Variants in TEKT1 observed in about 807,000 individuals in gnomAD.
TEKT1 encodes the protein tektin 1.
TEKT1 carries 32 observed loss-of-function variants against 34.8 expected under a neutral mutation model. The observed-to-expected ratio is 0.92, with a 90% CI of 0.69 to 1.23. The LOEUF (loss-of-function observed/expected upper bound fraction) is 1.23. TEKT1 is among the 50% of genes most tolerant of loss of function. TEKT1 has a pLI of 0.00. For synonymous variants in TEKT1, 207 were observed against 199.8 expected (o/e 1.04, Z -0.30); for missense variants, 492 against 518.5 (o/e 0.95, Z 0.50).
intron 2 of TEKT1, among the ~76,000 whole-genome samples, chr17:6,829,481 C>G (rs528136138): frequency 1.3e-5 from 2 of 150,590 alleles, no homozygotes; most frequent in South Asian, 4.2e-4. Context: ...TTCTTTCTTT[C>G]TTTCTCTCTT....
In TEKT1 at chr17:6,823,161, G is replaced by A. The variant is rs576081396; in HGVS notation, c.191-3803C>T. On this transcript the variant is annotated intron_variant, in intron 2 of 7. Coordinates refer to ENST00000338694, the MANE Select transcript of TEKT1 (RefSeq NM_053285.2). ...AACCTTTAACCTTCTGCTGGGGTGA[G>A]GGAGAGCCAGAGTGAAGAGGAAGCT... Among the ~76,000 whole-genome samples the A allele has an allele frequency of 1.4e-4, 22 of 152,272 alleles. No individual in the cohort carries two copies. In the East Asian group the frequency reaches 3.9e-3, roughly 27 times the overall value.
chr17:6,822,852 C>G (rs1225711547), intron 2 of TEKT1, among the ~76,000 whole-genome samples: 1 of 152,188 alleles, frequency 6.6e-6, no homozygotes, highest in East Asian at 1.9e-4. Flanking sequence ...AAAGTGCTAC[C>G]TGGAAATGCT....
intron 2 of TEKT1, among the ~76,000 whole-genome samples, chr17:6,823,965 G>A (rs9899264): frequency 0.061 from 9,260 of 151,766 alleles, 791 homozygotes; most frequent in African/African-American, 0.19. Flanking sequence ...TGGGACTACA[G>A]GTGCCCACCA....
rs1347950388 is a variant in TEKT1 at position 6,811,960 on chromosome 17, C to G, written c.852+871G>C. ...TTTGCAGTACAAATACTAACCCCCTCTGATATGGTTTGGCTCTGTGTCCCC... is the reference window on the plus strand; with the variant it reads ...TTTGCAGTACAAATACTAACCCCCTGTGATATGGTTTGGCTCTGTGTCCCC... On this transcript the variant is annotated intron_variant, in intron 6 of 7. Transcript: ENST00000338694. The surrounding 1 kb of genome is among the most constrained non-coding windows in gnomAD (Gnocchi z 4.4). Among the ~76,000 whole-genome samples, 2 of 152,164 alleles carry G rather than the reference C, an allele frequency of 1.3e-5. No individual in the cohort carries two copies. Among genetic ancestry groups the G allele is most frequent in the Non-Finnish European group, 2.9e-5 (2 of 68,014 alleles).
chr17:6,800,082 T>TGGGGAAGA lies in TEKT1; in HGVS notation c.1201_1202insTCTTCCCC (p.Asp401ValfsTer31), dbSNP rs752470824. The TGGGGAAGA allele has an allele frequency of 2.0e-5, 33 of 1,613,216 alleles. No individual in the cohort carries two copies. The highest frequency in any genetic ancestry group is 2.7e-5 in the Non-Finnish European group (32 of 1,180,018). On this transcript the variant is annotated frameshift_variant, in exon 8 of 8. Coordinates refer to ENST00000338694, the MANE Select transcript of TEKT1 (RefSeq NM_053285.2). LOFTEE classifies it low-confidence loss of function (END_TRUNC). ...AGCCCAGACCCCATGGTCTTCCCCA[T>TGGGGAAGA]CCCGAAGTGGGATGGATTTCCTCAT...
intron 6 of TEKT1, among the ~76,000 whole-genome samples, chr17:6,801,806 AT>A (rs1467801910): frequency 2.0e-5 from 3 of 152,178 alleles, no homozygotes; most frequent in South Asian, 2.1e-4. Context: ...TTCATTAAGC[AT>A]TTTTTTTAAA....
intron 3 of TEKT1, among the ~76,000 whole-genome samples, chr17:6,818,237 T>C (rs1165973259): frequency 1.3e-5 from 2 of 152,156 alleles, no homozygotes; most frequent in South Asian, 2.1e-4. Flanking sequence ...ATTCTAAGCA[T>C]GGCGGTGACC....
At chr17:6,815,002 G>T in intron 5 of TEKT1, 161 bp downstream of exon 5, 1 of 779,690 alleles carries the variant, frequency 1.3e-6, no homozygotes, top group Non-Finnish European at 2.1e-6. Flanking sequence ...GGAGAATCAG[G>T]AGCCTCTGGG....
intron 2 of TEKT1, among the ~76,000 whole-genome samples, chr17:6,820,434 T>C (rs1429212684): frequency 6.6e-6 from 1 of 152,064 alleles, no homozygotes; most frequent in Non-Finnish European, 1.5e-5. Context: ...AAAGTCATAA[T>C]GTACTGGTTG....
At chr17:6,808,243 C>T (rs1976874036) in intron 6 of TEKT1, among the ~76,000 whole-genome samples, 1 of 152,184 alleles carries the variant, frequency 6.6e-6, no homozygotes, top group African/African-American at 2.4e-5. Flanking sequence ...AGCGAGGCTC[C>T]GTGGGTGTAG....
At chr17:6,800,524 A>G (rs983424442) in intron 7 of TEKT1, among the ~76,000 whole-genome samples, 1 of 152,268 alleles carries the variant, frequency 6.6e-6, no homozygotes, top group East Asian at 1.9e-4. Flanking sequence ...TGACCTAAAC[A>G]TCTGGATTTG....
chr17:6,814,286 TA>T, intron 5 of TEKT1, among the ~76,000 whole-genome samples: 1 of 152,218 alleles, frequency 6.6e-6, no homozygotes, highest in East Asian at 1.9e-4. Context: ...AAAAGATAAC[TA>T]ACACAATGAG....
At chr17:6,810,385 T>C (rs569402492) in intron 6 of TEKT1, among the ~76,000 whole-genome samples, 5 of 152,360 alleles carry the variant, frequency 3.3e-5, no homozygotes, top group Admixed American at 1.3e-4. Context: ...TTATCAGATA[T>C]GTATTTTGCA....
At chr17:6,826,861 A>G (rs1334046324) in intron 2 of TEKT1, among the ~76,000 whole-genome samples, 2 of 151,850 alleles carry the variant, frequency 1.3e-5, no homozygotes, top group Non-Finnish European at 2.9e-5. Context: ...ACGCCCAGCT[A>G]ATTTTTAGTG....
intron 6 of TEKT1, among the ~76,000 whole-genome samples, chr17:6,802,563 T>C (rs140330393): frequency 0.082 from 12,425 of 151,990 alleles, 632 homozygotes; most frequent in Middle Eastern, 0.19. Flanking sequence ...ACATGTGCCA[T>C]GTTGGTGTGC....
At chr17:6,823,325 C>A (rs1473299123) in intron 2 of TEKT1, among the ~76,000 whole-genome samples, 4 of 152,150 alleles carry the variant, frequency 2.6e-5, no homozygotes, top group Non-Finnish European at 4.4e-5. Context: ...GTTCTCTACC[C>A]AGCCTGATTT....
Position 6,812,957 on chromosome 17 carries a change from C to T in TEKT1, c.726G>A (p.Val242=). The change falls in exon 6 of 8, where the codon GTG becomes GTA. Residue 242 remains valine (V), a synonymous_variant. Transcript: ENST00000338694. ...RNNSLMLKAL[V]DRILSQTAND... is the part of the protein sequence containing the mutation. ...TGGCTGTCTGGGACAGGATTCGATC[C>T]ACCAGGGCTTTCAGCATCAGGGAGT... 1 of 1,614,226 alleles carries T rather than the reference C, an allele frequency of 6.2e-7. No individual in the cohort carries two copies. Among genetic ancestry groups the T allele is most frequent in the Non-Finnish European group, 8.5e-7 (1 of 1,180,036 alleles).
chr17:6,830,041 G>T, intron 2 of TEKT1, 146 bp downstream of exon 2: 1 of 803,940 alleles, frequency 1.2e-6, no homozygotes, highest in Non-Finnish European at 1.9e-6. Context: ...TTAGGGCAGT[G>T]AACTTAAACA....
At chr17:6,810,030 G>A (rs1976905852) in intron 6 of TEKT1, among the ~76,000 whole-genome samples, 1 of 152,190 alleles carries the variant, frequency 6.6e-6, no homozygotes, top group African/African-American at 2.4e-5. Context: ...TGAATCCTAA[G>A]AGTATATGTT....
Sources: allele counts gnomAD v4.1 joint callset (sites outside exome capture counted in the v4.1 genomes callset), GRCh38; gene constraint gnomAD v4.1.1; non-coding constraint Gnocchi (gnomAD v3.1); transcripts MANE v1.5; gene names NCBI Gene and HGNC (gene_info 2026-07-23, HGNC 2026-07-21).